Variants in PTPRN observed in about 807,000 individuals in gnomAD.
The protein encoded by PTPRN is receptor-type tyrosine-protein phosphatase-like N.
Under a neutral mutation model 108.5 loss-of-function variants are expected in PTPRN, and 70 were observed. That is an observed-to-expected ratio of 0.65 (90% CI 0.53 to 0.79). PTPRN has a LOEUF of 0.79. Ranked by LOEUF, PTPRN falls within the 30% of genes least tolerant of loss-of-function variation. The probability of loss-of-function intolerance (pLI) is 0.00; values close to 1 mark genes in which losing one functional copy is unlikely to be tolerated. For synonymous variants in PTPRN, 496 were observed against 524.6 expected (o/e 0.95, Z 0.75); for missense variants, 1,136 against 1,295.5 (o/e 0.88, Z 1.89).
Position 219,302,686 on chromosome 2 carries a change from G to T in PTPRN, c.529C>A (p.Gln177Lys). 1 of 1,613,264 alleles carries T rather than the reference G, an allele frequency of 6.2e-7. No homozygotes were observed. Among genetic ancestry groups the T allele is most frequent in the Non-Finnish European group, 8.5e-7 (1 of 1,179,828 alleles). Residue 177 changes from glutamine to lysine, a missense_variant, in exon 5 of 23, where the codon CAG (glutamine) becomes AAG (lysine). Physicochemically the swap from Gln to Lys is moderately conservative, Grantham distance 53 (BLOSUM62 1). Coordinates refer to ENST00000295718, the MANE Select transcript of PTPRN (RefSeq NM_002846.4). ...AGASSSLSPL[Q>K]AELLPPLLEH... ...AAGAGAGGCGGGAGCAGCTCAGCCT[G>T]CAGAGGGGACAGAGAGGAGCTGGCC... is the stretch of plus-strand genomic sequence containing the variant.
intron 8 of PTPRN, 43 bp downstream of exon 8, chr2:219,300,900 T>C: frequency 6.2e-7 from 1 of 1,604,382 alleles, no homozygotes. Flanking sequence ...GGGGGCGTGC[T>C]GCCATGGGGT....
chr2:219,306,636 C>T (rs188200868), intron 3 of PTPRN, among the ~76,000 whole-genome samples: 1 of 152,334 alleles, frequency 6.6e-6, no homozygotes, highest in East Asian at 1.9e-4. Context: ...AAGTGATCCA[C>T]ATCCCTTCCC....
chr2:219,309,329 G>T lies in PTPRN; in HGVS notation c.4C>A (p.Arg2=). The T allele has an allele frequency of 1.4e-6, 2 of 1,451,904 alleles. No individual in the cohort carries two copies. The highest frequency in any genetic ancestry group is 1.8e-6 in the Non-Finnish European group (2 of 1,098,810). The allele number at this position is 1,451,904 out of a possible 1,614,324, so 89.9% of individuals were successfully genotyped here. M[R]RPRRPGGLGG... ...AGACCCCCAGGCCGCCGCGGGCGCC[G>T]CATCTTTCCGAGCTCCGGGCGCTCG... The change falls in exon 1 of 23, where the codon CGG becomes AGG. Residue 2 remains arginine, a synonymous_variant. Transcript: ENST00000295718.
rs562268376 is a variant in PTPRN at position 219,297,275 on chromosome 2, C to T, written c.2046G>A (p.Pro682=). 235 of 1,614,048 alleles carry T rather than the reference C, an allele frequency of 1.5e-4. 2 individuals are homozygous for T. The South Asian group carries it at 2.2e-3, about 15-fold the overall frequency. ...HSSTPSWCEE[P]AQANMDISTG... is the part of the protein sequence containing the mutation. ...TGGAGATGTCCATGTTGGCTTGGGC[C>T]GGCTCCTCGCACCAGGACGGGGTGC... The change falls in exon 14 of 23, where the codon CCG becomes CCA. Residue 682 remains proline, a synonymous_variant. Transcript: ENST00000295718. The surrounding 1 kb of genome is among the most constrained non-coding windows in gnomAD (Gnocchi z 6.0).
At chr2:219,294,027 C>T (rs953288274) in intron 19 of PTPRN, 19 of 486,460 alleles carry the variant, frequency 3.9e-5, no homozygotes, top group Admixed American at 3.8e-4. Flanking sequence ...ACACTCCTTT[C>T]GACAGTCTTT....
rs1007727740 is a variant in PTPRN at position 219,295,210 on chromosome 2, C to T, written c.2509-69G>A. Reference sequence around the variant, plus strand: ...GTCCCCGCGTTGCGCGCGCTCTCCTCGCGACCTTCTCGGTCTCTCCAACCA... The same window carrying T: ...GTCCCCGCGTTGCGCGCGCTCTCCTTGCGACCTTCTCGGTCTCTCCAACCA... On this transcript the variant is annotated intron_variant, in intron 18 of 22. Coordinates refer to ENST00000295718, the MANE Select transcript of PTPRN (RefSeq NM_002846.4). The T allele has an allele frequency of 3.2e-6, 5 of 1,554,162 alleles. No homozygotes were observed. The Admixed American group carries it at 9.3e-5, about 29-fold the overall frequency.
At chr2:219,291,982 A>G (rs1165615979) in intron 19 of PTPRN, 4 of 185,914 alleles carry the variant, frequency 2.2e-5, no homozygotes, top group Middle Eastern at 2.3e-3. Context: ...GTCCAAGGGG[A>G]TAGCTTTCTG....
In PTPRN at chr2:219,290,591, C is replaced by T. The variant is rs867898888; in HGVS notation, c.2815G>A (p.Ala939Thr). 14 of 1,551,616 alleles carry T rather than the reference C, an allele frequency of 9.0e-6. No individual in the cohort carries two copies. The highest frequency in any genetic ancestry group is 5.5e-5 in the African/African-American group (4 of 73,012). Residue 939 changes from alanine to threonine, a missense_variant, in exon 22 of 23, where the codon GCT (alanine) becomes ACT (threonine). Transcript: ENST00000295718. This position sits in a 1 kb window ranked among gnomAD's most constrained non-coding sequence, Gnocchi z 4.2. Reference protein sequence around the residue: ...MAKGVKEIDIAATLEHVRDQR... With the variant: ...MAKGVKEIDITATLEHVRDQR... ...TCACGGACATGCTCCAGGGTGGCAGCGATGTCAATCTCCTTCACTCCTGGA... is the reference window on the plus strand; with the variant it reads ...TCACGGACATGCTCCAGGGTGGCAGTGATGTCAATCTCCTTCACTCCTGGA...
rs1265389021 is a variant in PTPRN, at chr2:219,298,100, C to A, written c.1672G>T (p.Glu558Ter). 5 of 1,611,874 alleles carry A rather than the reference C, an allele frequency of 3.1e-6. No homozygotes were observed. The highest frequency in any genetic ancestry group is 4.2e-6 in the Non-Finnish European group (5 of 1,179,762). Residue 558 changes from glutamate (E) to a stop codon, truncating the protein, a stop_gained, in exon 13 of 23, where the codon GAG (glutamate) becomes TAG (stop). Transcript: ENST00000295718. LOFTEE classifies it high-confidence loss of function. Reference protein sequence around the residue: ...QILQTGVGQREEAAAVLPQTA... With the variant: ...QILQTGVGQR ...TGGGGAAGGACTGCAGCTGCCTCCT[C>A]CCTCTGTGGGAACAAGGCTAGAATC...
rs773114427 is a variant in PTPRN at position 219,295,100 on chromosome 2, C to CAGAA, written c.2546_2549dup (p.Val851SerfsTer62). On this transcript the variant is annotated frameshift_variant, in exon 19 of 23. Transcript: ENST00000295718. LOFTEE classifies it high-confidence loss of function. ...CGTTCTTCAGGTAGAAGCTCCGCAC[C>CAGAA]AGAAAGTCCTCGCACCAGATGTGCT... is the stretch of plus-strand genomic sequence containing the variant. 3 of 1,613,114 alleles carry CAGAA rather than the reference C, an allele frequency of 1.9e-6. No homozygotes were observed. Among genetic ancestry groups the CAGAA allele is most frequent in the Non-Finnish European group, 2.5e-6 (3 of 1,179,470 alleles).
At position 219,297,150 on chromosome 2, in the gene PTPRN, T is replaced by C; in HGVS notation, c.2089-18A>G. 2 of 1,613,250 alleles carry C rather than the reference T, an allele frequency of 1.2e-6. No individual in the cohort carries two copies. The highest frequency in any genetic ancestry group is 1.7e-6 in the Non-Finnish European group (2 of 1,179,538). On this transcript the variant is annotated intron_variant, in intron 14 of 22. Coordinates refer to ENST00000295718, the MANE Select transcript of PTPRN (RefSeq NM_002846.4). This position sits in a 1 kb window ranked among gnomAD's most constrained non-coding sequence, Gnocchi z 6.0. Reference sequence around the variant, plus strand: ...ATGTATGCCTGTGGGGGCACCACGGTCTGGCTCTGGCCCACACAGCCAGCC... The same window carrying C: ...ATGTATGCCTGTGGGGGCACCACGGCCTGGCTCTGGCCCACACAGCCAGCC...
chr2:219,297,708 TG>T lies in PTPRN; in HGVS notation c.1887+176del. 6.6e-6 allele frequency among the ~76,000 whole-genome samples: 1 copy of T among 152,202 alleles called. No individual in the cohort carries two copies. The highest frequency in any genetic ancestry group is 1.9e-4 in the East Asian group (1 of 5,170). Reference sequence around the variant, plus strand: ...AGGCACTGTATGCTCCCAATTCCCATGCGTTCATAAAGGCCCCTACCATACT... The same window carrying T: ...AGGCACTGTATGCTCCCAATTCCCATCGTTCATAAAGGCCCCTACCATACT... On this transcript the variant is annotated intron_variant, in intron 13 of 22. Coordinates refer to ENST00000295718, the MANE Select transcript of PTPRN (RefSeq NM_002846.4). This position sits in a 1 kb window ranked among gnomAD's most constrained non-coding sequence, Gnocchi z 6.0.
Position 219,299,397 on chromosome 2 carries a change from A to G in PTPRN, c.1524-13T>C. 6.2e-7 allele frequency: 1 copy of G among 1,613,528 alleles called. No individual in the cohort carries two copies. The highest frequency in any genetic ancestry group is 1.1e-5 in the South Asian group (1 of 91,078). ...TGGTCCCACCACACTGCCAGATAGG[A>G]GCTATGTTACTGCCTTCTCCACCCC... On this transcript the variant is annotated splice_polypyrimidine_tract_variant and intron_variant, in intron 10 of 22. Transcript: ENST00000295718.
chr2:219,305,386 G>A (rs1410442840), intron 3 of PTPRN, among the ~76,000 whole-genome samples: 1 of 152,058 alleles, frequency 6.6e-6, no homozygotes, highest in African/African-American at 2.4e-5. Context: ...GGGATTACAG[G>A]TGCTCGCCAC....
chr2:219,308,202 T>G, intron 1 of PTPRN: 3 of 273,500 alleles, frequency 1.1e-5, no homozygotes, highest in Non-Finnish European at 2.1e-5. Context: ...CATCCTATAA[T>G]GGCCTGGAAC....
Position 219,299,352 on chromosome 2 carries a change from C to T in PTPRN, c.1556G>A (p.Arg519Gln), listed in dbSNP as rs749690469. ...VVGPALTFRIRHNEQNLSLAD... is the reference protein window; with the variant it reads ...VVGPALTFRIQHNEQNLSLAD... Reference sequence around the variant, plus strand: ...CAAAGACAGGTTCTGCTCATTGTGCCGGATGCGGAAGGTGAGGGCTGGTCC... The same window carrying T: ...CAAAGACAGGTTCTGCTCATTGTGCTGGATGCGGAAGGTGAGGGCTGGTCC... Residue 519 changes from arginine to glutamine, a missense_variant, in exon 11 of 23, where the codon CGG (arginine) becomes CAG (glutamine). Coordinates refer to ENST00000295718, the MANE Select transcript of PTPRN (RefSeq NM_002846.4). 49 of 1,614,054 alleles carry T rather than the reference C, an allele frequency of 3.0e-5. No individual in the cohort carries two copies. The highest frequency in any genetic ancestry group is 3.3e-4 in the Middle Eastern group (2 of 6,082).
intron 1 of PTPRN, 28 bp downstream of exon 1, chr2:219,309,190 C>CA: frequency 7.0e-7 from 1 of 1,438,842 alleles, no homozygotes; most frequent in Non-Finnish European, 9.5e-7. Flanking sequence ...CGCCCCCCAC[C>CA]ACCCGCCAGC....
chr2:219,295,288 C>T (rs1290736185), intron 18 of PTPRN, 147 bp from the exon 19 acceptor site: 8 of 792,370 alleles, frequency 1.0e-5, no homozygotes, highest in Non-Finnish European at 1.4e-5. Flanking sequence ...GTCCCAGGAA[C>T]CCTGGCTGCC....
At position 219,289,701 on chromosome 2, in the gene PTPRN, CAGA is replaced by C. The variant is rs547076075; in HGVS notation, c.*522_*524del. On this transcript the variant is annotated 3_prime_UTR_variant, in exon 23 of 23. Transcript: ENST00000295718. ...TTTTTCTAGAAATGTTCTCTTGCGC[CAGA>C]AGGAGAGAGGTTGAGCAGCGCATGG... The C allele has an allele frequency of 1.1e-3, 170 of 157,488 alleles. 1 individual carries two copies. Among genetic ancestry groups the C allele is most frequent in the African/African-American group, 3.5e-3 (147 of 41,630 alleles). 9.8% of individuals were successfully genotyped at this position (157,488 alleles called of 1,614,324 possible).
Sources: gnomAD v4.1 joint callset for allele counts (sites outside exome capture counted in the v4.1 genomes callset) on GRCh38, gnomAD v4.1.1 for gene constraint, Gnocchi (gnomAD v3.1) non-coding constraint, MANE v1.5 for transcripts, NCBI Gene and HGNC (gene_info 2026-07-23, HGNC 2026-07-21) for gene names.